SMAD9: variants seen among roughly 807,000 people sequenced by gnomAD.
SMAD9 encodes SMAD family member 9.
SMAD9 carries 36 observed loss-of-function variants against 46.1 expected under a neutral mutation model. That is an observed-to-expected ratio of 0.78 (90% CI 0.60 to 1.03). The LOEUF (loss-of-function observed/expected upper bound fraction) is 1.03. Among genes scored for constraint, SMAD9 ranks in the 50% least tolerant of loss-of-function variants. The pLI is 0.00. For missense variants in SMAD9, 572 were observed against 599.8 expected, an observed-to-expected ratio of 0.95 and a Z score of 0.48; for synonymous variants, 245 against 237.1, an observed-to-expected ratio of 1.03 and a Z score of -0.31.
At chr13:36,906,143 T>C (rs1322707131) in intron 1 of SMAD9, among the ~76,000 whole-genome samples, 3 of 152,078 alleles carry the variant, frequency 2.0e-5, no homozygotes, top group Non-Finnish European at 2.9e-5. Context: ...CAAATTTCAT[T>C]TGAAGAATAA....
intron 2 of SMAD9, among the ~76,000 whole-genome samples, chr13:36,878,372 T>C (rs934462450): frequency 5.3e-5 from 8 of 152,292 alleles, no homozygotes; most frequent in African/African-American, 1.4e-4. Context: ...GTGGTTAGGA[T>C]TGCCTACAGT....
At chr13:36,874,854 CAAAAAAAAAAAAA>C (rs529721275) in intron 2 of SMAD9, among the ~76,000 whole-genome samples, 2 of 66,082 alleles carry the variant, frequency 3.0e-5, no homozygotes, top group Non-Finnish European at 2.7e-5. Flanking sequence ...GACTCCGTCC[CAAAAAAAAAAAAA>C]AAAAAAAAAA....
chr13:36,915,871 T>G (rs989729071), intron 1 of SMAD9, among the ~76,000 whole-genome samples: 13 of 152,244 alleles, frequency 8.5e-5, no homozygotes, highest in Non-Finnish European at 1.8e-4. Flanking sequence ...TTGAGCTGAT[T>G]AGAGCTTCCC....
intron 1 of SMAD9, among the ~76,000 whole-genome samples, chr13:36,900,453 G>T (rs556439986): frequency 1.3e-5 from 2 of 151,760 alleles, no homozygotes; most frequent in Admixed American, 1.3e-4. Context: ...GCTAATTTTT[G>T]TATTTTTAGT....
intron 1 of SMAD9, among the ~76,000 whole-genome samples, chr13:36,887,640 G>A (rs148282954): frequency 6.6e-6 from 1 of 152,280 alleles, no homozygotes; most frequent in East Asian, 1.9e-4. Context: ...CCTGGCAGAG[G>A]TGGTAGTTAC....
At chr13:36,877,342 C>T (rs1197776495) in intron 2 of SMAD9, among the ~76,000 whole-genome samples, 1 of 152,054 alleles carries the variant, frequency 6.6e-6, no homozygotes, top group Non-Finnish European at 1.5e-5. Flanking sequence ...GGCCTGCCAA[C>T]AGAGCAAGAC....
At chr13:36,905,813 A>AAC (rs2058615636) in intron 1 of SMAD9, among the ~76,000 whole-genome samples, 1 of 110,916 alleles carries the variant, frequency 9.0e-6, no homozygotes, top group South Asian at 2.9e-4. Context: ...AAAAAAAAAA[A>AAC]AACTTATATC....
At chr13:36,917,781 G>A (rs907590518) in intron 1 of SMAD9, among the ~76,000 whole-genome samples, 10 of 152,210 alleles carry the variant, frequency 6.6e-5, no homozygotes, top group African/African-American at 1.7e-4. Flanking sequence ...CAGAGGGAAT[G>A]TCAGATATAA....
chr13:36,919,700 C>T (rs1354478560), intron 1 of SMAD9, among the ~76,000 whole-genome samples: 2 of 151,692 alleles, frequency 1.3e-5, no homozygotes, highest in Admixed American at 1.3e-4. Context: ...ACCGCCGCCC[C>T]CGCCGCGGGT....
intron 6 of SMAD9, chr13:36,849,814 T>G (rs1469984186): frequency 6.6e-6 from 1 of 152,160 alleles, no homozygotes; most frequent in Non-Finnish European, 1.5e-5. Flanking sequence ...GTCCACCCAT[T>G]AATGCACTCT....
chr13:36,918,527 A>C (rs2058716256), intron 1 of SMAD9, among the ~76,000 whole-genome samples: 1 of 152,248 alleles, frequency 6.6e-6, no homozygotes, highest in African/African-American at 2.4e-5. Flanking sequence ...TTTCGGATAC[A>C]GTACTTGAAA....
chr13:36,853,279 C>T (rs972778437), intron 6 of SMAD9, 140 bp downstream of exon 6: 66 of 810,586 alleles, frequency 8.1e-5, no homozygotes, highest in African/African-American at 7.5e-4. Flanking sequence ...AGTGAAACTC[C>T]GTCTCAAAAA....
intron 1 of SMAD9, among the ~76,000 whole-genome samples, chr13:36,896,142 TA>T: frequency 7.2e-6 from 1 of 138,330 alleles, no homozygotes; most frequent in Non-Finnish European, 1.6e-5. Flanking sequence ...TTTATTTATT[TA>T]TTTATTTGAG....
At chr13:36,853,273 A>G (rs2058089958) in intron 6 of SMAD9, 146 bp downstream of exon 6, 1 of 785,860 alleles carries the variant, frequency 1.3e-6, no homozygotes, top group Non-Finnish European at 2.1e-6. Context: ...TGACAGAGTG[A>G]AACTCCGTCT....
chr13:36,893,114 T>C (rs1333818953), intron 1 of SMAD9, among the ~76,000 whole-genome samples: 1 of 152,126 alleles, frequency 6.6e-6, no homozygotes, highest in South Asian at 2.1e-4. Context: ...AAGTTGAAAT[T>C]TGTATATTAT....
intron 5 of SMAD9, among the ~76,000 whole-genome samples, chr13:36,854,539 TG>T (rs1439672563): frequency 2.6e-5 from 4 of 152,168 alleles, no homozygotes; most frequent in Non-Finnish European, 5.9e-5. Flanking sequence ...GGCTAATTTT[TG>T]TTTTTTAGTA....
At chr13:36,862,663 C>T (rs1018103082) in intron 5 of SMAD9, among the ~76,000 whole-genome samples, 2 of 152,176 alleles carry the variant, frequency 1.3e-5, no homozygotes, top group Non-Finnish European at 2.9e-5. Flanking sequence ...TGTGGAGTAG[C>T]CATTCTTTTG....
At chr13:36,854,243 T>C (rs1165314877) in intron 5 of SMAD9, among the ~76,000 whole-genome samples, 3 of 152,170 alleles carry the variant, frequency 2.0e-5, no homozygotes, top group Non-Finnish European at 4.4e-5. Context: ...GTCAGTAAGG[T>C]CTCATATACT....
At chr13:36,880,433 A>G (rs2058392905) in intron 1 of SMAD9, among the ~76,000 whole-genome samples, 1 of 152,196 alleles carries the variant, frequency 6.6e-6, no homozygotes. Context: ...TCTCATTTTT[A>G]GTTTGCACAA....
Sources: allele counts gnomAD v4.1 joint callset (sites outside exome capture counted in the v4.1 genomes callset), GRCh38; gene constraint gnomAD v4.1.1; transcripts MANE v1.5; gene names NCBI Gene and HGNC (gene_info 2026-07-23, HGNC 2026-07-21).